HIP1R: variants seen among roughly 807,000 people sequenced by gnomAD.
HIP1R encodes huntingtin-interacting protein 1-related protein.
A neutral mutation model predicts 144.2 loss-of-function variants in HIP1R; 135 were observed. The observed-to-expected ratio is 0.94, with a 90% confidence interval of 0.81 to 1.08. The LOEUF (loss-of-function observed/expected upper bound fraction) is 1.08. Ranked by LOEUF, HIP1R falls within the 50% of genes least tolerant of loss-of-function variation. HIP1R has a pLI of 0.00. For synonymous variants in HIP1R, 698 were observed against 612.8 expected, an observed-to-expected ratio of 1.14 and a Z score of -2.05; for missense variants, 1,462 against 1,432.8, an observed-to-expected ratio of 1.02 and a Z score of -0.33.
chr12:122,844,710 C>T (rs1028160246), intron 1 of HIP1R, among the ~76,000 whole-genome samples: 3 of 152,216 alleles, frequency 2.0e-5, no homozygotes, highest in African/African-American at 7.2e-5. Context: ...CACATGTGTC[C>T]TTATGATCTT....
intron 17 of HIP1R, 33 bp from the exon 18 acceptor site, chr12:122,856,988 G>A: frequency 6.5e-7 from 1 of 1,544,648 alleles, no homozygotes; most frequent in South Asian, 1.2e-5. Flanking sequence ...TGGGAGCTCT[G>A]TTCACATGCC....
At chr12:122,859,657 G>A (rs2033704892) in intron 23 of HIP1R, 115 bp from the exon 24 acceptor site, 1 of 1,394,324 alleles carries the variant, frequency 7.2e-7, no homozygotes, top group Non-Finnish European at 1.0e-6. Context: ...GAGGACAGAT[G>A]GCGTTTTCCA....
At chr12:122,853,963 C>T (rs2033476407) in intron 7 of HIP1R, 80 bp from the exon 8 acceptor site, 1 of 1,506,360 alleles carries the variant, frequency 6.6e-7, no homozygotes, top group Non-Finnish European at 9.0e-7. Flanking sequence ...GCTTAGGGCC[C>T]TGCTTCACAG....
At chr12:122,852,606 C>A (rs1008912265) in intron 7 of HIP1R, among the ~76,000 whole-genome samples, 8 of 152,232 alleles carry the variant, frequency 5.3e-5, no homozygotes, top group Non-Finnish European at 1.0e-4. Flanking sequence ...ATTCCCAGAT[C>A]TGCAGAGGTG....
At position 122,860,760 on chromosome 12, in the gene HIP1R, G is replaced by A. The variant is rs765862895; in HGVS notation, c.2742G>A (p.Thr914=). ...GCTCCCACGAGATCGCAGCCAGCACGGCCCAGCTGGTGGCGGCCTCCAAGG... is the reference window on the plus strand; with the variant it reads ...GCTCCCACGAGATCGCAGCCAGCACAGCCCAGCTGGTGGCGGCCTCCAAGG... The part of the protein sequence containing the change: ...IVCSHEIAAS[T]AQLVAASKVK... The change falls in exon 28 of 32, where the codon ACG becomes ACA. Residue 914 remains threonine (T), a synonymous_variant. Transcript: ENST00000253083. 25 of 1,612,884 alleles carry A rather than the reference G, an allele frequency of 1.6e-5. No individual in the cohort carries two copies. The Admixed American group carries it at 1.7e-4, about 11-fold the overall frequency.
rs1217297165 is a variant in HIP1R at position 122,835,489 on chromosome 12, C to T, written c.-62C>T. On this transcript the variant is annotated 5_prime_UTR_variant, in exon 1 of 32. Transcript: ENST00000253083. ...CCTCGCGGTGCCTAGGCTGGGGCTG[C>T]CGGACCGTGAGGCTGTGAGTCGCGC... 10 of 1,229,772 alleles carry T rather than the reference C, an allele frequency of 8.1e-6. No individual in the cohort carries two copies. The African/African-American group carries it at 1.4e-4, about 18-fold the overall frequency. 76.2% of individuals were successfully genotyped at this position (1,229,772 alleles called of 1,614,324 possible). A position where few individuals can be genotyped will look rare whatever the true frequency, so the allele number is the denominator to read the frequency against.
intron 7 of HIP1R, among the ~76,000 whole-genome samples, chr12:122,852,405 T>G (rs987385075): frequency 9.9e-5 from 15 of 152,170 alleles, no homozygotes; most frequent in Admixed American, 3.3e-4. Flanking sequence ...GGCAGAGATG[T>G]GCTGAGCCTG....
chr12:122,861,730 C>G lies in HIP1R; in HGVS notation c.3184C>G (p.Pro1062Ala), dbSNP rs372949577. The G allele has an allele frequency of 3.2e-5, 51 of 1,613,992 alleles. No individual in the cohort carries two copies. The highest frequency in any genetic ancestry group is 3.8e-5 in the Non-Finnish European group (45 of 1,180,024). Residue 1062 changes from proline (P) to alanine (A), a missense_variant, in exon 32 of 32, where the codon CCA (proline) becomes GCA (alanine). Physicochemically the swap from Pro to Ala is conservative, Grantham distance 27. Around this residue, in one of 2 missense-constraint regions of HIP1R, gnomAD observed 1,112 missense variants for 1,011.7 expected, o/e 1.10. Coordinates refer to ENST00000253083, the MANE Select transcript of HIP1R (RefSeq NM_003959.3). Reference sequence around the variant, plus strand: ...GCTTGACAAAAAGGATGGCATCTACCCAGCTCAACTCGTGAACTACTAGGC... The same window carrying G: ...GCTTGACAAAAAGGATGGCATCTACGCAGCTCAACTCGTGAACTACTAGGC... ...HQLDKKDGIY[P>A]AQLVNY
Position 122,861,887 on chromosome 12 carries a change from G to C in HIP1R, c.*134G>C. On this transcript the variant is annotated 3_prime_UTR_variant, in exon 32 of 32. Transcript: ENST00000253083. ...CCACCGTCTGGATCAATGTCCTCAA[G>C]GCCCCTGGCCCTTACTGAGCCTGCA... The C allele has an allele frequency of 1.3e-6, 1 of 752,648 alleles. No individual in the cohort carries two copies. The highest frequency in any genetic ancestry group is 2.2e-6 in the Non-Finnish European group (1 of 464,194). 46.6% of individuals were successfully genotyped at this position (752,648 alleles called of 1,614,324 possible). A position where few individuals can be genotyped will look rare whatever the true frequency, so the allele number is the denominator to read the frequency against.
chr12:122,859,780 G>A lies in HIP1R; in HGVS notation c.2415G>A (p.Met805Ile), dbSNP rs1290896169. The A allele has an allele frequency of 3.7e-6, 6 of 1,612,950 alleles. No homozygotes were observed. ...TCTGTTCTTGGGTGCAGGACATGAT[G>A]AACCAGGCACGCCACGCCAGCTCGG... is the stretch of plus-strand genomic sequence containing the variant. ...EDAVRRIEDM[M>I]NQARHASSGV... Residue 805 changes from methionine (M) to isoleucine (I), a missense_variant, in exon 24 of 32, where the codon ATG becomes ATA. Physicochemically the swap from Met to Ile is conservative, Grantham distance 10. Transcript: ENST00000253083.
intron 8 of HIP1R, among the ~76,000 whole-genome samples, chr12:122,854,568 G>T (rs746821645): frequency 1.3e-5 from 2 of 152,176 alleles, no homozygotes; most frequent in Non-Finnish European, 2.9e-5. Flanking sequence ...CTCGTCCCTC[G>T]ACCGCACTTT....
At chr12:122,858,794 T>A in intron 20 of HIP1R, 44 bp from the exon 21 acceptor site, 1 of 1,353,760 alleles carries the variant, frequency 7.4e-7, no homozygotes, top group South Asian at 1.2e-5. Context: ...TGCTAGTGTC[T>A]CAGTGTCATC....
chr12:122,856,910 G>A, intron 17 of HIP1R, 111 bp from the exon 18 acceptor site: 4 of 1,055,910 alleles, frequency 3.8e-6, no homozygotes, highest in Non-Finnish European at 5.4e-6. Context: ...GGAGCCCTGA[G>A]TCTAATGGAA....
At chr12:122,847,432 C>T (rs913505444) in intron 1 of HIP1R, among the ~76,000 whole-genome samples, 3 of 152,250 alleles carry the variant, frequency 2.0e-5, no homozygotes, top group Non-Finnish European at 1.5e-5. Context: ...TGCCTTCCTC[C>T]GCCCCTGGCT....
intron 13 of HIP1R, 27 bp downstream of exon 13, chr12:122,855,930 A>C: frequency 6.4e-7 from 1 of 1,565,526 alleles, no homozygotes; most frequent in South Asian, 1.2e-5. Flanking sequence ...GGTGGGGGCC[A>C]GGGCCCCTCA....
At chr12:122,850,793 G>A (rs1432025367) in intron 5 of HIP1R, 42 bp from the exon 6 acceptor site, 1 of 1,490,922 alleles carries the variant, frequency 6.7e-7, no homozygotes, top group African/African-American at 1.4e-5. Context: ...GGTGTGGGGG[G>A]GCCCTGGTTC....
chr12:122,857,908 G>A (rs115509577), intron 18 of HIP1R, 194 bp from the exon 19 acceptor site: 131 of 453,714 alleles, frequency 2.9e-4, no homozygotes, highest in African/African-American at 2.5e-3. Context: ...TTGAGCTCAC[G>A]TTTTAATTGG....
chr12:122,858,113 G>A lies in HIP1R; in HGVS notation c.1827G>A (p.Glu609=). 6.3e-7 allele frequency: 1 copy of A among 1,588,144 alleles called. No homozygotes were observed. The highest frequency in any genetic ancestry group is 8.6e-7 in the Non-Finnish European group (1 of 1,169,560). The stretch of plus-strand genomic sequence containing the variant: ...ACCCCCATTGCCAGGAGTCTCAGGA[G>A]CAGGGGCTGCGGCAGAGGCTGCTGG... ...QGRLAERESQ[E]QGLRQRLLDE... is the part of the protein sequence containing the mutation. Residue 609 remains glutamate, a synonymous_variant, in exon 19 of 32, where the codon GAG becomes GAA. Transcript: ENST00000253083.
At chr12:122,847,990 G>C in intron 1 of HIP1R, 41 bp from the exon 2 acceptor site, 1 of 1,604,858 alleles carries the variant, frequency 6.2e-7, no homozygotes, top group Non-Finnish European at 8.5e-7. Context: ...TCCTGGGGTG[G>C]CTGCCTGGGG....
Sources: allele counts gnomAD v4.1 joint callset (sites outside exome capture counted in the v4.1 genomes callset), GRCh38; gene constraint gnomAD v4.1.1; regional missense constraint gnomAD v4.1.1; transcripts MANE v1.5; gene names NCBI Gene and HGNC (gene_info 2026-07-23, HGNC 2026-07-21).